IPO13: variants seen among roughly 807,000 people sequenced by gnomAD.
IPO13 encodes the protein importin-13.
IPO13 carries 28 observed loss-of-function variants against 115.5 expected under a neutral mutation model. The observed-to-expected ratio is 0.24, with a 90% CI of 0.18 to 0.33. The LOEUF (loss-of-function observed/expected upper bound fraction) is 0.33. IPO13 is among the 10% of genes least tolerant of loss of function. The pLI is 1.00. For synonymous variants in IPO13, 414 were observed against 478.9 expected (o/e 0.86, Z 1.77); for missense variants, 785 against 1,204.6 (o/e 0.65, Z 5.16).
At chr1:43,961,291 G>GCTGCCA in intron 14 of IPO13, 29 bp downstream of exon 14, 1 of 1,544,968 alleles carries the variant, frequency 6.5e-7, no homozygotes, top group Non-Finnish European at 8.9e-7. Context: ...CTCTGCTGCT[G>GCTGCCA]CTGCCACTGC....
rs993781019 is a variant in IPO13 at position 43,966,521 on chromosome 1, G to A, written c.2398-54G>A. 6.4e-6 allele frequency: 10 copies of A among 1,572,766 alleles called. No homozygotes were observed. The highest frequency in any genetic ancestry group is 1.1e-5 in the South Asian group (1 of 90,218). The stretch of plus-strand genomic sequence containing the variant: ...GGGCTGGGGTGGCAGGTGAGTGGGG[G>A]GGATGGTCCTTGGAGCTGGCTGGGG... On this transcript the variant is annotated intron_variant, in intron 15 of 19. Coordinates refer to ENST00000372343, the MANE Select transcript of IPO13 (RefSeq NM_014652.4). The surrounding 1 kb of genome is among the most constrained non-coding windows in gnomAD (Gnocchi z 4.1).
intron 14 of IPO13, 139 bp downstream of exon 14, chr1:43,961,401 C>G: frequency 2.7e-6 from 2 of 748,004 alleles, no homozygotes; most frequent in Non-Finnish European, 4.9e-6. Context: ...CCTGTGAGAT[C>G]AAGCACAACA....
Position 43,958,656 on chromosome 1 carries a change from G to T in IPO13, c.1884+61G>T, listed in dbSNP as rs549118048. On this transcript the variant is annotated intron_variant, in intron 10 of 19. Transcript: ENST00000372343. This position sits in a 1 kb window ranked among gnomAD's most constrained non-coding sequence, Gnocchi z 6.3. ...GATGCTGTGGCTGATGAGGGGTGAG[G>T]TTGGAGCTGGCCCTCAGAGCTGAGG... 26 of 1,612,462 alleles carry T rather than the reference G, an allele frequency of 1.6e-5. No homozygotes were observed. In the African/African-American group the frequency reaches 3.2e-4, roughly 20 times the overall value.
rs2085246186 is a variant in IPO13 at position 43,956,127 on chromosome 1, G to A, written c.822-193G>A. Among the ~76,000 whole-genome samples, 1 of 152,112 alleles carries A rather than the reference G, an allele frequency of 6.6e-6. No homozygotes were observed. The highest frequency in any genetic ancestry group is 2.4e-5 in the African/African-American group (1 of 41,408). On this transcript the variant is annotated intron_variant, in intron 2 of 19. Coordinates refer to ENST00000372343, the MANE Select transcript of IPO13 (RefSeq NM_014652.4). The surrounding 1 kb of genome is among the most constrained non-coding windows in gnomAD (Gnocchi z 4.7). Reference sequence around the variant, plus strand: ...ACGTCCTTCTCAGAGTTCTTCTGGGGGTCCCTGATCTAAGGTTCTTCCCAA... The same window carrying A: ...ACGTCCTTCTCAGAGTTCTTCTGGGAGTCCCTGATCTAAGGTTCTTCCCAA...
chr1:43,967,089 G>C lies in IPO13; in HGVS notation c.2613+70G>C. The C allele has an allele frequency of 6.9e-7, 1 of 1,442,902 alleles. No homozygotes were observed. Among genetic ancestry groups the C allele is most frequent in the Non-Finnish European group, 9.8e-7 (1 of 1,025,034 alleles). The allele number at this position is 1,442,902 out of a possible 1,614,324, so 89.4% of individuals were successfully genotyped here. A position where few individuals can be genotyped will look rare whatever the true frequency, so the allele number is the denominator to read the frequency against. ...ACTGCTGAGGCAGCTGGCCTTCTGG[G>C]AGGCTTGAGCCTTTGGTCCCCTAAG... is the stretch of plus-strand genomic sequence containing the variant. On this transcript the variant is annotated intron_variant, in intron 18 of 19. Transcript: ENST00000372343. This position sits in a 1 kb window ranked among gnomAD's most constrained non-coding sequence, Gnocchi z 6.1.
In IPO13 at chr1:43,958,991, T is replaced by G; in HGVS notation, c.2028+102T>G. 1 of 1,192,650 alleles carries G rather than the reference T, an allele frequency of 8.4e-7. No individual in the cohort carries two copies. Among genetic ancestry groups the G allele is most frequent in the East Asian group, 2.4e-5 (1 of 41,990 alleles). The allele number at this position is 1,192,650 out of a possible 1,614,324, so 73.9% of individuals were successfully genotyped here. On this transcript the variant is annotated intron_variant, in intron 11 of 19. Coordinates refer to ENST00000372343, the MANE Select transcript of IPO13 (RefSeq NM_014652.4). This position sits in a 1 kb window ranked among gnomAD's most constrained non-coding sequence, Gnocchi z 6.3. ...CACTCTTCAATTCTGTGGGTAATGT[T>G]GTCATTGTTCTCCCTGCCCCGTGGG...
At chr1:43,961,515 G>A (rs1390388593) in intron 14 of IPO13, among the ~76,000 whole-genome samples, 10 of 152,140 alleles carry the variant, frequency 6.6e-5, no homozygotes, top group Admixed American at 6.5e-4. Context: ...GAAGAAGGAA[G>A]TGGGGGTGGG....
At position 43,949,494 on chromosome 1, in the gene IPO13, C is replaced by A. The variant is rs1190494771; in HGVS notation, c.162C>A (p.Val54=). 1 of 1,614,158 alleles carries A rather than the reference C, an allele frequency of 6.2e-7. No homozygotes were observed. The highest frequency in any genetic ancestry group is 8.5e-7 in the Non-Finnish European group (1 of 1,180,008). The part of the protein sequence containing the change: ...LAQKWLMQAQ[V]SPQAWHFSWQ... ...AGAAGTGGCTGATGCAGGCCCAGGT[C>A]TCCCCACAGGCCTGGCACTTCAGCT... Residue 54 remains valine (V), a synonymous_variant, in exon 2 of 20, where the codon GTC becomes GTA. Transcript: ENST00000372343.
chr1:43,962,647 G>T (rs899241761), intron 14 of IPO13, among the ~76,000 whole-genome samples: 15 of 152,184 alleles, frequency 9.9e-5, no homozygotes, highest in Non-Finnish European at 2.1e-4. Flanking sequence ...TGACTGGAAT[G>T]TCCTATGCCC....
At chr1:43,963,014 T>C (rs2085300424) in intron 14 of IPO13, among the ~76,000 whole-genome samples, 1 of 152,242 alleles carries the variant, frequency 6.6e-6, no homozygotes, top group Non-Finnish European at 1.5e-5. Context: ...GCAGGGTGGC[T>C]GCTGAATATC....
At position 43,957,015 on chromosome 1, in the gene IPO13, G is replaced by A; in HGVS notation, c.1271+39G>A. 2.5e-6 allele frequency: 4 copies of A among 1,603,620 alleles called. No homozygotes were observed. In the South Asian group the frequency reaches 4.5e-5, roughly 18 times the overall value. ...GCCAACTCCTCTAAAATGGAGTCCAGAAATAATGAAGGCAATGAGGGAAGG... is the reference window on the plus strand; with the variant it reads ...GCCAACTCCTCTAAAATGGAGTCCAAAAATAATGAAGGCAATGAGGGAAGG... On this transcript the variant is annotated intron_variant, in intron 5 of 19. Transcript: ENST00000372343.
rs754912928 is a variant in IPO13, at chr1:43,960,967, T to G, written c.2201T>G (p.Met734Arg). The G allele has an allele frequency of 6.2e-7, 1 of 1,614,206 alleles. No homozygotes were observed. Among genetic ancestry groups the G allele is most frequent in the South Asian group, 1.1e-5 (1 of 91,086 alleles). The change falls in exon 13 of 20, where the codon ATG becomes AGG. Residue 734 changes from methionine (M) to arginine (R), a missense_variant. By Grantham distance (91) the Met-to-Arg change is moderately conservative (BLOSUM62 -1). Transcript: ENST00000372343. ...VPQLCEMLGR[M>R]YSTIPQASAL... ...CAGCTGTGTGAGATGCTGGGTCGGA[T>G]GTACAGCACCATCCCCCAGGCCTCT...
At position 43,966,778 on chromosome 1, in the gene IPO13, T is replaced by G; in HGVS notation, c.2519T>G (p.Phe840Cys). The change falls in exon 17 of 20, where the codon TTC (phenylalanine) becomes TGC (cysteine). Residue 840 changes from phenylalanine to cysteine, a missense_variant. This residue lies in a region of IPO13 where 285 missense variants were observed against 394.8 expected (regional missense o/e 0.72). Coordinates refer to ENST00000372343, the MANE Select transcript of IPO13 (RefSeq NM_014652.4). This position sits in a 1 kb window ranked among gnomAD's most constrained non-coding sequence, Gnocchi z 4.1. Reference protein sequence around the residue: ...EAPTVKASCGFFTELLPRCGE... With the variant: ...EAPTVKASCGCFTELLPRCGE... ...CCTACTGTCAAGGCCTCCTGTGGCT[T>G]CTTTGTGAGTCCCATGCTGAACCCT... 6.2e-7 allele frequency: 1 copy of G among 1,614,104 alleles called. No individual in the cohort carries two copies. Among genetic ancestry groups the G allele is most frequent in the Non-Finnish European group, 8.5e-7 (1 of 1,179,990 alleles).
In IPO13 at chr1:43,958,723, G is replaced by A. The variant is rs773239434; in HGVS notation, c.1885-23G>A. The A allele has an allele frequency of 2.5e-6, 4 of 1,614,010 alleles. No homozygotes were observed. The highest frequency in any genetic ancestry group is 1.3e-5 in the African/African-American group (1 of 75,026). On this transcript the variant is annotated intron_variant, in intron 10 of 19. Coordinates refer to ENST00000372343, the MANE Select transcript of IPO13 (RefSeq NM_014652.4). The surrounding 1 kb of genome is among the most constrained non-coding windows in gnomAD (Gnocchi z 6.3). The stretch of plus-strand genomic sequence containing the variant: ...CCAAACTGGGGCTGGGAGATCTGGA[G>A]CTTGGTTTGCTTCTCCCTGCAGCCC...
chr1:43,947,789 C>CTCTGGGGGCACCATA, intron 1 of IPO13, 105 bp downstream of exon 1: 1 of 539,320 alleles, frequency 1.9e-6, no homozygotes, highest in Non-Finnish European at 2.9e-6. Context: ...TGGTATGGTG[C>CTCTGGGGGCACCATA]CCCCAGAGCA....
Position 43,958,208 on chromosome 1 carries a change from G to T in IPO13, c.1723-34G>T, listed in dbSNP as rs780610656. 1 of 1,614,124 alleles carries T rather than the reference G, an allele frequency of 6.2e-7. No homozygotes were observed. The highest frequency in any genetic ancestry group is 1.7e-5 in the Admixed American group (1 of 60,026). ...TGGGCCTCAGAGCACACTCTGCACT[G>T]TGCTGATACTACATTCCTTCTTTCT... On this transcript the variant is annotated intron_variant, in intron 8 of 19. Coordinates refer to ENST00000372343, the MANE Select transcript of IPO13 (RefSeq NM_014652.4). This position sits in a 1 kb window ranked among gnomAD's most constrained non-coding sequence, Gnocchi z 6.3.
chr1:43,955,208 G>A (rs1329796579), intron 2 of IPO13, among the ~76,000 whole-genome samples: 1 of 151,966 alleles, frequency 6.6e-6, no homozygotes, highest in Admixed American at 6.5e-5. Context: ...GTGGTAGAGG[G>A]TGGAGCGGAT....
At chr1:43,963,275 C>G (rs569018296) in intron 14 of IPO13, among the ~76,000 whole-genome samples, 5 of 152,312 alleles carry the variant, frequency 3.3e-5, no homozygotes, top group African/African-American at 1.2e-4. Flanking sequence ...TGGGTAGGAG[C>G]TCCAGGTGCA....
intron 1 of IPO13, 124 bp from the exon 2 acceptor site, chr1:43,949,293 C>T: frequency 1.9e-6 from 2 of 1,025,808 alleles, no homozygotes; most frequent in East Asian, 2.6e-5. Flanking sequence ...GCGCTGAGCT[C>T]TCCCTGCTCA....
Sources: allele counts gnomAD v4.1 joint callset (sites outside exome capture counted in the v4.1 genomes callset), GRCh38; gene constraint gnomAD v4.1.1; regional missense constraint gnomAD v4.1.1; non-coding constraint Gnocchi (gnomAD v3.1); transcripts MANE v1.5; gene names NCBI Gene and HGNC (gene_info 2026-07-23, HGNC 2026-07-21).